MSL2: variants seen among roughly 807,000 people sequenced by gnomAD.
MSL2 encodes E3 ubiquitin-protein ligase MSL2.
MSL2 carries 2 observed loss-of-function variants against 35.8 expected under a neutral mutation model. The ratio of observed to expected loss-of-function variants is 0.06; its 90% CI spans 0.02 to 0.18. The LOEUF (loss-of-function observed/expected upper bound fraction) is 0.18, where lower values mean the gene tolerates loss of function less well. Ranked by LOEUF, MSL2 falls within the 10% of genes least tolerant of loss-of-function variation. The probability of loss-of-function intolerance (pLI) is 1.00; values close to 1 mark genes in which losing one functional copy is unlikely to be tolerated. For missense variants in MSL2, 523 were observed against 706.7 expected (o/e 0.74, Z 2.95); for synonymous variants, 296 against 255.7 (o/e 1.16, Z -1.50).
Position 136,195,386 on chromosome 3 carries a change from C to A in MSL2, c.-273G>T. The A allele has an allele frequency of 8.5e-7, 1 of 1,178,828 alleles. No homozygotes were observed. The highest frequency in any genetic ancestry group is 2.3e-5 in the South Asian group (1 of 43,598). 73.0% of individuals were successfully genotyped at this position (1,178,828 alleles called of 1,614,324 possible). A position where few individuals can be genotyped will look rare whatever the true frequency, so the allele number is the denominator to read the frequency against. On this transcript the variant is annotated 5_prime_UTR_variant, in exon 1 of 2. Coordinates refer to ENST00000309993, the MANE Select transcript of MSL2 (RefSeq NM_018133.4). ...GAGTTCGTCCGGAGCGACCACAGAG[C>A]GCAGAACGCGGCGGCTTGGGCGCTC...
chr3:136,156,842 C>G (rs1939542175), intron 1 of MSL2, among the ~76,000 whole-genome samples: 1 of 152,096 alleles, frequency 6.6e-6, no homozygotes, highest in African/African-American at 2.4e-5. Context: ...GCGACAGAGC[C>G]AGACTCCATC....
intron 1 of MSL2, chr3:136,152,940 T>C (rs1312763249): frequency 3.2e-5 from 32 of 985,304 alleles, no homozygotes; most frequent in East Asian, 1.1e-4. Context: ...CCCATTCAGT[T>C]ATCTCAAACC....
At chr3:136,177,400 C>T (rs1167415017) in intron 1 of MSL2, among the ~76,000 whole-genome samples, 1 of 152,104 alleles carries the variant, frequency 6.6e-6, no homozygotes, top group African/African-American at 2.4e-5. Flanking sequence ...ACAGGCCGGG[C>T]ACGGTGGTTC....
chr3:136,154,117 A>C (rs1939451248), intron 1 of MSL2, among the ~76,000 whole-genome samples: 1 of 151,960 alleles, frequency 6.6e-6, no homozygotes, highest in South Asian at 2.1e-4. Flanking sequence ...TTTCAGTAGG[A>C]GAGAACTATG....
At chr3:136,157,650 A>C (rs1939572228) in intron 1 of MSL2, among the ~76,000 whole-genome samples, 1 of 152,232 alleles carries the variant, frequency 6.6e-6, no homozygotes, top group South Asian at 2.1e-4. Flanking sequence ...CCAAAATTAG[A>C]AATGAAAGGA....
chr3:136,189,108 C>CAAAAAAAAAAAAAAAAA (rs372715974), intron 1 of MSL2, among the ~76,000 whole-genome samples: 1 of 38,610 alleles, frequency 2.6e-5, no homozygotes, highest in African/African-American at 1.0e-4. Context: ...CCTGTCTCTA[C>CAAAAAAAAAAAAAAAAA]AAAAAAAAAA....
chr3:136,195,883 C>A lies in MSL2; in HGVS notation c.-770G>T. The A allele has an allele frequency of 1.1e-6, 1 of 922,114 alleles. No individual in the cohort carries two copies. The highest frequency in any genetic ancestry group is 1.3e-6 in the Non-Finnish European group (1 of 773,494). 57.1% of individuals were successfully genotyped at this position (922,114 alleles called of 1,614,324 possible). On this transcript the variant is annotated 5_prime_UTR_variant, in exon 1 of 2. Transcript: ENST00000309993. Reference sequence around the variant, plus strand: ...CCGGCGGGCGGGAGGGGGCGGGGGGCAAGCCCGGCCGGGCCGCGGCGGCGC... The same window carrying A: ...CCGGCGGGCGGGAGGGGGCGGGGGGAAAGCCCGGCCGGGCCGCGGCGGCGC...
chr3:136,194,478 T>C (rs899924347), intron 1 of MSL2: 16 of 985,728 alleles, frequency 1.6e-5, no homozygotes, highest in Non-Finnish European at 1.9e-5. Flanking sequence ...TGGAGGAACC[T>C]GGGGCAAAGT....
In MSL2 at chr3:136,152,581, C is replaced by T. The variant is rs1412555110; in HGVS notation, c.300G>A (p.Val100=). 1 of 1,614,014 alleles carries T rather than the reference C, an allele frequency of 6.2e-7. No homozygotes were observed. Among genetic ancestry groups the T allele is most frequent in the Non-Finnish European group, 8.5e-7 (1 of 1,180,038 alleles). Residue 100 remains valine, a synonymous_variant, in exon 2 of 2, where the codon GTG becomes GTA. Coordinates refer to ENST00000309993, the MANE Select transcript of MSL2 (RefSeq NM_018133.4). ...ACTCGCATAGTTTTTTGTAGCAGTT[C>T]ACTAGGATGCTTAACTGCTTGTTTT... ...FEENKQLSIL[V]NCYKKLCEYI... is the part of the protein sequence containing the mutation.
chr3:136,195,733 G>A lies in MSL2; in HGVS notation c.-620C>T, dbSNP rs576131495. Reference sequence around the variant, plus strand: ...CCGCCGCGCTCTCCATATCGGACGCGGGGCCCAGACTGCGCCCTGGCTCTC... The same window carrying A: ...CCGCCGCGCTCTCCATATCGGACGCAGGGCCCAGACTGCGCCCTGGCTCTC... On this transcript the variant is annotated 5_prime_UTR_variant, in exon 1 of 2. Coordinates refer to ENST00000309993, the MANE Select transcript of MSL2 (RefSeq NM_018133.4). 73 of 985,118 alleles carry A rather than the reference G, an allele frequency of 7.4e-5. No homozygotes were observed. The South Asian group carries it at 2.7e-3, about 36-fold the overall frequency. 61.0% of individuals were successfully genotyped at this position (985,118 alleles called of 1,614,324 possible). A position where few individuals can be genotyped will look rare whatever the true frequency, so the allele number is the denominator to read the frequency against.
chr3:136,166,067 A>G (rs1190254593), intron 1 of MSL2, among the ~76,000 whole-genome samples: 4 of 138,638 alleles, frequency 2.9e-5, no homozygotes, highest in Non-Finnish European at 6.0e-5. Flanking sequence ...ACCAGTAAAA[A>G]AAAAAAAAAA....
chr3:136,196,124 C>T lies in MSL2; in HGVS notation c.-1011G>A, dbSNP rs1466349291. 6.5e-6 allele frequency: 1 copy of T among 153,898 alleles called. No homozygotes were observed. The highest frequency in any genetic ancestry group is 1.4e-5 in the Non-Finnish European group (1 of 69,026). 9.5% of individuals were successfully genotyped at this position (153,898 alleles called of 1,614,324 possible). A position where few individuals can be genotyped will look rare whatever the true frequency, so the allele number is the denominator to read the frequency against. ...ACACAGCAAGGCCCCGCCGCAGGCCCCTCCCCCGTGCCTCGCCGCCCTCAC... is the reference window on the plus strand; with the variant it reads ...ACACAGCAAGGCCCCGCCGCAGGCCTCTCCCCCGTGCCTCGCCGCCCTCAC... On this transcript the variant is annotated 5_prime_UTR_variant, in exon 1 of 2. Coordinates refer to ENST00000309993, the MANE Select transcript of MSL2 (RefSeq NM_018133.4).
intron 1 of MSL2, among the ~76,000 whole-genome samples, chr3:136,160,104 T>G (rs1939656829): frequency 6.6e-6 from 1 of 151,342 alleles, no homozygotes; most frequent in Non-Finnish European, 1.5e-5. Context: ...AAACCCTGTC[T>G]CTACTAAAAA....
chr3:136,185,108 GTGA>G (rs919205116), intron 1 of MSL2, among the ~76,000 whole-genome samples: 5 of 152,046 alleles, frequency 3.3e-5, no homozygotes, highest in Admixed American at 6.6e-5. Context: ...CCAAGTAGCT[GTGA>G]TTACAGGCAT....
At chr3:136,163,545 C>T (rs1376397886) in intron 1 of MSL2, among the ~76,000 whole-genome samples, 1 of 152,222 alleles carries the variant, frequency 6.6e-6, no homozygotes, top group Non-Finnish European at 1.5e-5. Flanking sequence ...GAGTTTTGAT[C>T]ACCTTGTTAT....
chr3:136,166,213 G>A (rs1252723207), intron 1 of MSL2, among the ~76,000 whole-genome samples: 1 of 151,718 alleles, frequency 6.6e-6, no homozygotes, highest in Non-Finnish European at 1.5e-5. Flanking sequence ...ACATGGTCCA[G>A]GCTGTCTCTA....
At chr3:136,182,252 T>C (rs1189066767) in intron 1 of MSL2, among the ~76,000 whole-genome samples, 1 of 152,224 alleles carries the variant, frequency 6.6e-6, no homozygotes, top group African/African-American at 2.4e-5. Flanking sequence ...TATTTACTTT[T>C]AATTAGACGA....
intron 1 of MSL2, among the ~76,000 whole-genome samples, chr3:136,183,332 G>A (rs556314148): frequency 2.2e-4 from 33 of 152,284 alleles, no homozygotes; most frequent in Admixed American, 1.7e-3. Flanking sequence ...AAGGTAGGAG[G>A]AGAAAAATAC....
intron 1 of MSL2, chr3:136,155,433 G>C (rs1939490852): frequency 6.3e-6 from 1 of 157,944 alleles, no homozygotes; most frequent in Admixed American, 6.4e-5. Context: ...GAACCTGGGA[G>C]GCAGAGGTTG....
Sources: gnomAD v4.1 joint callset for allele counts (sites outside exome capture counted in the v4.1 genomes callset) on GRCh38, gnomAD v4.1.1 for gene constraint, MANE v1.5 for transcripts, NCBI Gene and HGNC (gene_info 2026-07-23, HGNC 2026-07-21) for gene names.